Variants in MLXIP observed in about 807,000 individuals in gnomAD.
MLXIP encodes MLX-interacting protein.
In MLXIP, 30 loss-of-function variants were observed where a neutral mutation model predicts 87.2. The ratio of observed to expected loss-of-function variants is 0.34; its 90% CI spans 0.26 to 0.47. The LOEUF (loss-of-function observed/expected upper bound fraction) is 0.47, where lower values mean the gene tolerates loss of function less well. MLXIP is among the 20% of genes least tolerant of loss of function. The probability of loss-of-function intolerance (pLI) is 1.00; values close to 1 mark genes in which losing one functional copy is unlikely to be tolerated. For synonymous variants in MLXIP, 530 were observed against 514.0 expected (o/e 1.03, Z -0.42); for missense variants, 1,002 against 1,240.1 (o/e 0.81, Z 2.88).
chr12:122,125,905 G>T (rs751259301), intron 1 of MLXIP, among the ~76,000 whole-genome samples: 1 of 152,230 alleles, frequency 6.6e-6, no homozygotes, highest in Non-Finnish European at 1.5e-5. Context: ...GCCTTCCAGG[G>T]CAGGTTCCAG....
rs1953309578 is a variant in MLXIP, at chr12:122,146,734, TGTTG to T, written c.*4926_*4929del. The T allele has an allele frequency of 6.6e-6, 1 of 151,558 alleles. No homozygotes were observed. The highest frequency in any genetic ancestry group is 2.5e-5 in the African/African-American group (1 of 40,812). 9.4% of individuals were successfully genotyped at this position (151,558 alleles called of 1,614,324 possible). On this transcript the variant is annotated 3_prime_UTR_variant, in exon 17 of 17. Transcript: ENST00000319080. Reference sequence around the variant, plus strand: ...ATTTACCTCCATGCCCCAGTCACACTGTTGGTTCTGCGCTCTGAACCTGGGTGTA... The same window carrying T: ...ATTTACCTCCATGCCCCAGTCACACTGTTCTGCGCTCTGAACCTGGGTGTA...
At chr12:122,088,038 G>A (rs1056460248) in intron 1 of MLXIP, among the ~76,000 whole-genome samples, 3 of 152,180 alleles carry the variant, frequency 2.0e-5, no homozygotes, top group Non-Finnish European at 2.9e-5. Flanking sequence ...CACAAAGCTC[G>A]GCTGCCTGGG....
intron 1 of MLXIP, among the ~76,000 whole-genome samples, chr12:122,092,987 G>C (rs2135908103): frequency 6.7e-6 from 1 of 149,270 alleles, no homozygotes; most frequent in East Asian, 2.0e-4. Flanking sequence ...TGTATGTGTT[G>C]TGTGTGTTGT....
chr12:122,126,739 C>T (rs1012343342), intron 1 of MLXIP, among the ~76,000 whole-genome samples: 5 of 152,154 alleles, frequency 3.3e-5, no homozygotes, highest in African/African-American at 1.2e-4. Context: ...ATGTAGTGAA[C>T]CCCACATGCT....
In MLXIP at chr12:122,137,675, G is replaced by T. The variant is rs114049635; in HGVS notation, c.2154+85G>T. On this transcript the variant is annotated intron_variant, in intron 12 of 16. Transcript: ENST00000319080. The surrounding 1 kb of genome is among the most constrained non-coding windows in gnomAD (Gnocchi z 4.1). ...GGATCTGTGTCTTGTCTGGAACGGA[G>T]ACCTCAGACCCAGCCAGAGCTGCCC... is the stretch of plus-strand genomic sequence containing the variant. 2.6e-6 allele frequency: 4 copies of T among 1,560,686 alleles called. No individual in the cohort carries two copies. Among genetic ancestry groups the T allele is most frequent in the Non-Finnish European group, 3.5e-6 (4 of 1,151,662 alleles).
In MLXIP at chr12:122,131,912, CTTTTTTTTTTTTTT is replaced by C. The variant is rs60691591; in HGVS notation, c.1001-364_1001-351del. ...CAGGCATGGTGGTTGTGGTTGGCAC[CTTTTTTTTTTTTTT>C]TTTTTTTTTTTTTTTGAGACGGGAA... On this transcript the variant is annotated intron_variant, in intron 7 of 16. Coordinates refer to ENST00000319080, the MANE Select transcript of MLXIP (RefSeq NM_014938.6). Among the ~76,000 whole-genome samples the C allele has an allele frequency of 1.2e-4, 9 of 73,992 alleles. No individual in the cohort carries two copies. In the South Asian group the frequency reaches 1.7e-3, roughly 14 times the overall value. The allele number at this position is 73,992 out of a possible 152,430, so 48.5% of individuals were successfully genotyped here.
rs779008562 is a variant in MLXIP, at chr12:122,129,116, T to C, written c.607-21T>C. Reference sequence around the variant, plus strand: ...ATCAAGCAGAGCCCCCTCTTCACTCTGCTCTCTGTCCCTGTCCTAGGCCAT... The same window carrying C: ...ATCAAGCAGAGCCCCCTCTTCACTCCGCTCTCTGTCCCTGTCCTAGGCCAT... On this transcript the variant is annotated intron_variant, in intron 3 of 16. Coordinates refer to ENST00000319080, the MANE Select transcript of MLXIP (RefSeq NM_014938.6). 1.0e-5 allele frequency: 16 copies of C among 1,589,348 alleles called. No individual in the cohort carries two copies. In the African/African-American group the frequency reaches 1.9e-4, roughly 19 times the overall value.
intron 1 of MLXIP, among the ~76,000 whole-genome samples, chr12:122,096,018 C>T (rs1481228950): frequency 6.6e-6 from 1 of 152,020 alleles, no homozygotes; most frequent in Non-Finnish European, 1.5e-5. Context: ...GCTTGGGCCA[C>T]CACGTATTTT....
Position 122,135,876 on chromosome 12 carries a change from A to G in MLXIP, c.2032+210A>G, listed in dbSNP as rs1171144051. 4 of 606,934 alleles carry G rather than the reference A, an allele frequency of 6.6e-6. No individual in the cohort carries two copies. Among genetic ancestry groups the G allele is most frequent in the Non-Finnish European group, 8.1e-6 (3 of 369,764 alleles). 37.6% of individuals were successfully genotyped at this position (606,934 alleles called of 1,614,324 possible). A position where few individuals can be genotyped will look rare whatever the true frequency, so the allele number is the denominator to read the frequency against. On this transcript the variant is annotated intron_variant, in intron 11 of 16. Transcript: ENST00000319080. This position sits in a 1 kb window ranked among gnomAD's most constrained non-coding sequence, Gnocchi z 5.3. The stretch of plus-strand genomic sequence containing the variant: ...TGGTGGCACTGGCAGGGCAAAAAGT[A>G]GTGAACATGTGGCAGTGTAGGTGAC...
chr12:122,096,434 C>T (rs538083207), intron 1 of MLXIP, among the ~76,000 whole-genome samples: 1 of 152,198 alleles, frequency 6.6e-6, no homozygotes, highest in Non-Finnish European at 1.5e-5. Flanking sequence ...AAAATGTCTG[C>T]TTCCTCCTCC....
Position 122,130,011 on chromosome 12 carries a change from C to A in MLXIP, c.809C>A (p.Pro270His). 3 of 1,614,022 alleles carry A rather than the reference C, an allele frequency of 1.9e-6. No individual in the cohort carries two copies. The highest frequency in any genetic ancestry group is 2.5e-6 in the Non-Finnish European group (3 of 1,179,884). Residue 270 changes from proline (P) to histidine (H), a missense_variant, in exon 6 of 17, where the codon CCC becomes CAC. Physicochemically the swap from Pro to His is moderately conservative, Grantham distance 77. Around this residue, in one of 3 missense-constraint regions of MLXIP, gnomAD observed 746 missense variants for 897.0 expected, o/e 0.83. Coordinates refer to ENST00000319080, the MANE Select transcript of MLXIP (RefSeq NM_014938.6). ...WKTPVPMEED[P>H]LLDTDMLMSE... is the part of the protein sequence containing the mutation. The stretch of plus-strand genomic sequence containing the variant: ...ACCCCCGTCCCCATGGAGGAGGATC[C>A]CCTGCTGGACACAGACATGCTCATG...
In MLXIP at chr12:122,133,695, G is replaced by A. The variant is rs1320403355; in HGVS notation, c.1440G>A (p.Ala480=). The change falls in exon 9 of 17, where the codon GCG becomes GCA. Residue 480 remains alanine (A), a synonymous_variant. Transcript: ENST00000319080. The surrounding 1 kb of genome is among the most constrained non-coding windows in gnomAD (Gnocchi z 4.9). ...AGAAGTTTGCTGGAGTCAACAAAGC[G>A]CCGTCTGTCATCACCCACACGGCCT... ...QPQKFAGVNK[A]PSVITHTASA... 4.3e-6 allele frequency: 7 copies of A among 1,613,240 alleles called. No individual in the cohort carries two copies. The African/African-American group carries it at 5.3e-5, about 12-fold the overall frequency.
rs909505945 is a variant in MLXIP, at chr12:122,145,487, G to A, written c.*3675G>A. ...GGCAGCACCTCTGTCTGTTGCTGAC[G>A]TTGGGGGGCTTACACACCCACCTCA... On this transcript the variant is annotated 3_prime_UTR_variant, in exon 17 of 17. Transcript: ENST00000319080. 2.6e-5 allele frequency: 4 copies of A among 152,338 alleles called. No homozygotes were observed. Among genetic ancestry groups the A allele is most frequent in the African/African-American group, 4.8e-5 (2 of 41,460 alleles). 9.4% of individuals were successfully genotyped at this position (152,338 alleles called of 1,614,324 possible). A position where few individuals can be genotyped will look rare whatever the true frequency, so the allele number is the denominator to read the frequency against.
At position 122,141,887 on chromosome 12, in the gene MLXIP, C is replaced by G. The variant is rs1593123932; in HGVS notation, c.*75C>G. ...CCCATGGAGAGTAGGCTGCGCCCCC[C>G]AGCCCTTCCTGACGCTCAGCCTCGG... On this transcript the variant is annotated 3_prime_UTR_variant, in exon 17 of 17. Coordinates refer to ENST00000319080, the MANE Select transcript of MLXIP (RefSeq NM_014938.6). The G allele has an allele frequency of 2.5e-6, 4 of 1,576,878 alleles. No homozygotes were observed. In the East Asian group the frequency reaches 9.0e-5, roughly 35 times the overall value.
intron 1 of MLXIP, among the ~76,000 whole-genome samples, chr12:122,125,941 C>A (rs1490949307): frequency 6.6e-6 from 1 of 152,214 alleles, no homozygotes; most frequent in Non-Finnish European, 1.5e-5. Flanking sequence ...GCTGCTCAGG[C>A]GCCTCCTGTG....
At chr12:122,129,020 G>T in intron 3 of MLXIP, 117 bp from the exon 4 acceptor site, 1 of 766,564 alleles carries the variant, frequency 1.3e-6, no homozygotes. Flanking sequence ...AGCCACTGTG[G>T]GGTTTCCCGC....
chr12:122,112,419 A>G (rs975429973), intron 1 of MLXIP, among the ~76,000 whole-genome samples: 3 of 152,168 alleles, frequency 2.0e-5, no homozygotes, highest in African/African-American at 7.2e-5. Context: ...CAGGCGGATC[A>G]CAAGGTCAGG....
rs1239352671 is a variant in MLXIP, at chr12:122,133,794, C to T, written c.1539C>T (p.His513=). ...QSQGLVITTH[H]PAPSAAPCGL... is the part of the protein sequence containing the mutation. The stretch of plus-strand genomic sequence containing the variant: ...AGGGCCTTGTGATCACCACCCATCA[C>T]CCTGCCCCGTCAGCGGCCCCTTGTG... The change falls in exon 9 of 17, where the codon CAC becomes CAT. Residue 513 remains histidine, a synonymous_variant. Transcript: ENST00000319080. This position sits in a 1 kb window ranked among gnomAD's most constrained non-coding sequence, Gnocchi z 4.9. 10 of 1,613,182 alleles carry T rather than the reference C, an allele frequency of 6.2e-6. No homozygotes were observed. The highest frequency in any genetic ancestry group is 1.3e-5 in the African/African-American group (1 of 74,924).
At position 122,135,776 on chromosome 12, in the gene MLXIP, GAC is replaced by G; in HGVS notation, c.2032+116_2032+117del. 7.8e-7 allele frequency: 1 copy of G among 1,285,102 alleles called. No homozygotes were observed. Among genetic ancestry groups the G allele is most frequent in the Non-Finnish European group, 1.0e-6 (1 of 968,050 alleles). 79.6% of individuals were successfully genotyped at this position (1,285,102 alleles called of 1,614,324 possible). On this transcript the variant is annotated intron_variant, in intron 11 of 16. Transcript: ENST00000319080. This position sits in a 1 kb window ranked among gnomAD's most constrained non-coding sequence, Gnocchi z 5.3. ...TCCCCAGGACGGAGCCTGGGCTTAG[GAC>G]ACACAGTGAGGTCTTGTAGGCCTGC...
Sources: gnomAD v4.1 joint callset for allele counts (sites outside exome capture counted in the v4.1 genomes callset) on GRCh38, gnomAD v4.1.1 for gene constraint, gnomAD v4.1.1 regional missense constraint, Gnocchi (gnomAD v3.1) non-coding constraint, MANE v1.5 for transcripts, NCBI Gene and HGNC (gene_info 2026-07-23, HGNC 2026-07-21) for gene names.